IGF1R: variants seen among roughly 807,000 people sequenced by gnomAD.
The protein encoded by IGF1R is insulin-like growth factor 1 receptor.
Under a neutral mutation model 144.6 loss-of-function variants are expected in IGF1R, and 44 were observed. The observed-to-expected ratio is 0.30, with a 90% CI of 0.24 to 0.39. The LOEUF is 0.39. IGF1R is among the 10% of genes least tolerant of loss of function. The pLI, the probability that IGF1R is intolerant of heterozygous loss-of-function variation, is 1.00. For synonymous variants in IGF1R, 795 were observed against 722.8 expected (o/e 1.10, Z -1.60); for missense variants, 1,355 against 1,833.7 (o/e 0.74, Z 4.77).
chr15:98,780,087 G>C (rs1000196433), intron 2 of IGF1R, among the ~76,000 whole-genome samples: 5 of 147,950 alleles, frequency 3.4e-5, no homozygotes, highest in Admixed American at 3.3e-4. Flanking sequence ...GAGCCAGGTG[G>C]CTATTTTTTT....
chr15:98,663,266 A>C (rs1217929224), intron 1 of IGF1R, among the ~76,000 whole-genome samples: 3 of 152,118 alleles, frequency 2.0e-5, no homozygotes, highest in African/African-American at 7.2e-5. Flanking sequence ...AGGACCCGCA[A>C]AACAGGTTGG....
intron 6 of IGF1R, among the ~76,000 whole-genome samples, chr15:98,909,182 A>G (rs541528779): frequency 6.6e-6 from 1 of 152,162 alleles, no homozygotes; most frequent in Admixed American, 6.5e-5. Flanking sequence ...CAGAATGCAC[A>G]GTTAAATGTC....
chr15:98,773,244 G>A (rs2055634208), intron 2 of IGF1R, among the ~76,000 whole-genome samples: 1 of 152,138 alleles, frequency 6.6e-6, no homozygotes, highest in African/African-American at 2.4e-5. Context: ...AGTGTTGGGG[G>A]CTGTGTAAAC....
chr15:98,886,251 G>T (rs1260669877), intron 2 of IGF1R, among the ~76,000 whole-genome samples: 2 of 152,314 alleles, frequency 1.3e-5, no homozygotes, highest in South Asian at 2.1e-4. Flanking sequence ...TGGAGAGGGA[G>T]AGAGTTAAAG....
intron 2 of IGF1R, among the ~76,000 whole-genome samples, chr15:98,813,250 ACCAAT>A (rs2056629469): frequency 1.3e-5 from 2 of 152,038 alleles, no homozygotes; most frequent in Non-Finnish European, 2.9e-5. Context: ...ATGCAAAATA[ACCAAT>A]CCAAAGGCCA....
chr15:98,725,829 G>GC (rs1003493587), intron 2 of IGF1R, among the ~76,000 whole-genome samples: 15 of 152,336 alleles, frequency 9.8e-5, no homozygotes, highest in African/African-American at 3.6e-4. Flanking sequence ...CATGGTGGCA[G>GC]CAAGAGAAAA....
chr15:98,905,979 G>T (rs1567189838), intron 5 of IGF1R, among the ~76,000 whole-genome samples: 1 of 152,138 alleles, frequency 6.6e-6, no homozygotes, highest in East Asian at 1.9e-4. Flanking sequence ...TTTGACAAGG[G>T]TTTTATTTTT....
At chr15:98,791,190 T>C (rs999794329) in intron 2 of IGF1R, among the ~76,000 whole-genome samples, 4 of 152,246 alleles carry the variant, frequency 2.6e-5, no homozygotes, top group African/African-American at 9.6e-5. Context: ...AGGGTCTAAA[T>C]CCTATTCTTG....
At chr15:98,743,288 G>A (rs955925764) in intron 2 of IGF1R, among the ~76,000 whole-genome samples, 5 of 152,138 alleles carry the variant, frequency 3.3e-5, no homozygotes, top group African/African-American at 1.2e-4. Flanking sequence ...ATACTACCAA[G>A]TTCTTACAAT....
In IGF1R at chr15:98,772,241, C is replaced by T. The variant is rs144943513; in HGVS notation, c.640+64134C>T. Reference sequence around the variant, plus strand: ...TGACTTAACAAAATTGGTGAAATACCAACTTTACTAAAAACTACTAATTCA... The same window carrying T: ...TGACTTAACAAAATTGGTGAAATACTAACTTTACTAAAAACTACTAATTCA... On this transcript the variant is annotated intron_variant, in intron 2 of 20. Transcript: ENST00000650285. Among the ~76,000 whole-genome samples the T allele has an allele frequency of 3.3e-5, 5 of 151,998 alleles. No individual in the cohort carries two copies. In the East Asian group the frequency reaches 7.7e-4, roughly 24 times the overall value.
intron 1 of IGF1R, among the ~76,000 whole-genome samples, chr15:98,652,782 G>A (rs2002389): frequency 0.34 from 51,966 of 151,976 alleles, 9,307 homozygotes; most frequent in Non-Finnish European, 0.39. Flanking sequence ...AGTGACTGCT[G>A]GTGGGCACAG....
chr15:98,754,832 T>G (rs573527420), intron 2 of IGF1R, among the ~76,000 whole-genome samples: 1 of 152,306 alleles, frequency 6.6e-6, no homozygotes, highest in South Asian at 2.1e-4. Flanking sequence ...TCCTAGAGAC[T>G]AAAGAACTTG....
intron 2 of IGF1R, among the ~76,000 whole-genome samples, chr15:98,815,663 A>T (rs1405174626): frequency 6.6e-6 from 1 of 152,214 alleles, no homozygotes; most frequent in Admixed American, 6.5e-5. Context: ...TGCGTAGGAT[A>T]GGGTCCATCT....
chr15:98,908,627 G>A (rs1293878621), intron 5 of IGF1R, 58 bp from the exon 6 acceptor site: 2 of 1,335,234 alleles, frequency 1.5e-6, no homozygotes, highest in Admixed American at 1.8e-5. Flanking sequence ...GTGGCCAGCA[G>A]GCTAGAGGGG....
chr15:98,688,488 G>A lies in IGF1R; in HGVS notation c.95-19074G>A, dbSNP rs375090588. 2.6e-4 allele frequency among the ~76,000 whole-genome samples: 40 copies of A among 151,670 alleles called. No homozygotes were observed. The South Asian group carries it at 7.9e-3, about 30-fold the overall frequency. On this transcript the variant is annotated intron_variant, in intron 1 of 20. Coordinates refer to ENST00000650285, the MANE Select transcript of IGF1R (RefSeq NM_000875.5). ...TATTTCATGTGTATACCTTTGCGTA[G>A]CGTTGGCACATGTGGGAATGCTATT...
intron 2 of IGF1R, among the ~76,000 whole-genome samples, chr15:98,846,091 A>C (rs1179959062): frequency 2.6e-5 from 4 of 152,206 alleles, no homozygotes; most frequent in Admixed American, 2.6e-4. Flanking sequence ...GACATCAGCT[A>C]AAGGAAAGAC....
chr15:98,926,330 G>T (rs59975552), intron 13 of IGF1R, among the ~76,000 whole-genome samples: 3,716 of 152,224 alleles, frequency 0.024, 149 homozygotes, highest in African/African-American at 0.084. Flanking sequence ...CAGATTTGGG[G>T]AGATGTTAGT....
Position 98,962,485 on chromosome 15 carries a change from A to G in IGF1R, c.*5043A>G, listed in dbSNP as rs1049730490. 4.3e-6 allele frequency: 1 copy of G among 233,544 alleles called. No individual in the cohort carries two copies. The highest frequency in any genetic ancestry group is 2.2e-5 in the African/African-American group (1 of 45,328). The allele number at this position is 233,544 out of a possible 1,614,324, so 14.5% of individuals were successfully genotyped here. On this transcript the variant is annotated 3_prime_UTR_variant, in exon 21 of 21. Coordinates refer to ENST00000650285, the MANE Select transcript of IGF1R (RefSeq NM_000875.5). ...GTACAAATGAGAACTTCAAGAGAGGATGTTATTTAGACTGAACCTCTGTTG... is the reference window on the plus strand; with the variant it reads ...GTACAAATGAGAACTTCAAGAGAGGGTGTTATTTAGACTGAACCTCTGTTG...
At chr15:98,770,057 G>A (rs1234484747) in intron 2 of IGF1R, among the ~76,000 whole-genome samples, 1 of 152,118 alleles carries the variant, frequency 6.6e-6, no homozygotes, top group Non-Finnish European at 1.5e-5. Context: ...AGCACTTGCT[G>A]CCTCTCAAGT....
Sources: allele counts gnomAD v4.1 joint callset (sites outside exome capture counted in the v4.1 genomes callset), GRCh38; gene constraint gnomAD v4.1.1; transcripts MANE v1.5; gene names NCBI Gene and HGNC (gene_info 2026-07-23, HGNC 2026-07-21).